Variants in NAALADL2 observed in about 807,000 individuals in gnomAD.
The protein encoded by NAALADL2 is inactive N-acetylated-alpha-linked acidic dipeptidase-like protein 2.
NAALADL2 carries 76 observed loss-of-function variants against 87.2 expected under a neutral mutation model. The observed-to-expected ratio is 0.87, with a 90% CI of 0.72 to 1.05. The LOEUF is 1.05. NAALADL2 is among the 50% of genes least tolerant of loss of function. NAALADL2 has a pLI of 0.00. For synonymous variants in NAALADL2, 354 were observed against 331.0 expected, an observed-to-expected ratio of 1.07 and a Z score of -0.75; for missense variants, 1,089 against 945.8, an observed-to-expected ratio of 1.15 and a Z score of -1.99.
chr3:175,045,024 T>C (rs533111537), intron 1 of NAALADL2, among the ~76,000 whole-genome samples: 1 of 152,116 alleles, frequency 6.6e-6, no homozygotes, highest in Non-Finnish European at 1.5e-5. Flanking sequence ...TCAGTTTATA[T>C]TTTATTTCCC....
intron 1 of NAALADL2, among the ~76,000 whole-genome samples, chr3:174,860,913 C>A (rs1726408621): frequency 6.6e-6 from 1 of 151,920 alleles, no homozygotes; most frequent in Admixed American, 6.6e-5. Context: ...TTTCCCCTAT[C>A]CATATATATG....
intron 2 of NAALADL2, among the ~76,000 whole-genome samples, chr3:175,178,233 T>C (rs1580806911): frequency 6.6e-6 from 1 of 152,178 alleles, no homozygotes; most frequent in East Asian, 1.9e-4. Flanking sequence ...TGGTGTTAGT[T>C]ATATAATTAT....
intron 11 of NAALADL2, among the ~76,000 whole-genome samples, chr3:175,636,404 A>G (rs1728542544): frequency 6.6e-6 from 1 of 152,034 alleles, no homozygotes; most frequent in Non-Finnish European, 1.5e-5. Flanking sequence ...ACCCTTAGAA[A>G]CTTCAAGGAA....
intron 1 of NAALADL2, among the ~76,000 whole-genome samples, chr3:174,966,598 T>C (rs969101857): frequency 3.3e-5 from 5 of 152,280 alleles, no homozygotes; most frequent in Non-Finnish European, 7.4e-5. Flanking sequence ...TTTTCACTTA[T>C]GTGATTGTTA....
At chr3:175,583,619 A>T (rs1317668145) in intron 10 of NAALADL2, among the ~76,000 whole-genome samples, 3 of 152,224 alleles carry the variant, frequency 2.0e-5, no homozygotes. Flanking sequence ...TTTAAACAAG[A>T]GGCAGTAATG....
rs1303778794 is a variant in NAALADL2 at position 175,013,299 on chromosome 3, A to ATTTTT, written c.44-83490_44-83489insTTTTT. Among the ~76,000 whole-genome samples the ATTTTT allele has an allele frequency of 1.0e-3, 76 of 75,144 alleles. 8 individuals carry two copies. Among genetic ancestry groups the ATTTTT allele is most frequent in the African/African-American group, 2.8e-3 (45 of 16,058 alleles). The allele number at this position is 75,144 out of a possible 152,430, so 49.3% of individuals were successfully genotyped here. A position where few individuals can be genotyped will look rare whatever the true frequency, so the allele number is the denominator to read the frequency against. ...TATACATATATATATATATATATAT[A>ATTTTT]TATTTTTTTTTTTTTTTGAGACAGG... On this transcript the variant is annotated intron_variant, in intron 1 of 13. Coordinates refer to ENST00000454872, the MANE Select transcript of NAALADL2 (RefSeq NM_207015.3).
intron 1 of NAALADL2, among the ~76,000 whole-genome samples, chr3:175,001,261 A>ATCTGTATT (rs1748187561): frequency 6.6e-6 from 1 of 152,196 alleles, no homozygotes; most frequent in African/African-American, 2.4e-5. Context: ...GAGCCTGGGA[A>ATCTGTATT]TCTGTATTTC....
chr3:174,564,397 G>T (rs184143666), intron 2 of NAALADL2, among the ~76,000 whole-genome samples: 4 of 152,104 alleles, frequency 2.6e-5, no homozygotes, highest in Non-Finnish European at 5.9e-5. Flanking sequence ...AGGGTAACAA[G>T]GTAGGGATGG....
intron 5 of NAALADL2, among the ~76,000 whole-genome samples, chr3:175,329,381 A>G (rs1761126976): frequency 6.6e-6 from 1 of 152,180 alleles, no homozygotes. Context: ...TGTCTGTTGA[A>G]CATCACTCCT....
intron 11 of NAALADL2, among the ~76,000 whole-genome samples, chr3:175,643,299 A>G (rs1005126002): frequency 2.0e-5 from 3 of 152,220 alleles, no homozygotes; most frequent in African/African-American, 7.2e-5. Flanking sequence ...TATTGTTTCC[A>G]ACAACGATTA....
upstream of NAALADL2, among the ~76,000 whole-genome samples, chr3:174,855,980 G>GTATATA (rs57039020): frequency 3.3e-4 from 47 of 142,956 alleles, no homozygotes; most frequent in African/African-American, 1.2e-3. Context: ...GTGTGTGTGT[G>GTATATA]TATATATATA....
At chr3:175,474,960 G>GT (rs980001634) in intron 9 of NAALADL2, among the ~76,000 whole-genome samples, 4 of 151,292 alleles carry the variant, frequency 2.6e-5, no homozygotes, top group African/African-American at 9.7e-5. Context: ...CTTTAACCCA[G>GT]TATTCATATT....
chr3:175,695,759 A>G (rs966239895), intron 11 of NAALADL2, among the ~76,000 whole-genome samples: 1 of 152,184 alleles, frequency 6.6e-6, no homozygotes, highest in Non-Finnish European at 1.5e-5. Context: ...TTTGGAGAAT[A>G]TCCTCTGAGG....
chr3:174,758,860 A>G (rs481004), intron 3 of NAALADL2, among the ~76,000 whole-genome samples: 72,940 of 152,062 alleles, frequency 0.48, 19,891 homozygotes, highest in Non-Finnish European at 0.62. Flanking sequence ...TCCCTAGTTT[A>G]AAAAACAAAT....
At chr3:175,635,856 C>T (rs1338917779) in intron 11 of NAALADL2, among the ~76,000 whole-genome samples, 13 of 152,020 alleles carry the variant, frequency 8.6e-5, no homozygotes, top group South Asian at 8.3e-4. Context: ...AACTCTAGGT[C>T]GACAGATCAA....
At chr3:174,608,116 A>G (rs1719331931) in intron 2 of NAALADL2, among the ~76,000 whole-genome samples, 3 of 151,984 alleles carry the variant, frequency 2.0e-5, no homozygotes, top group Admixed American at 2.0e-4. Flanking sequence ...CTTTGAAACC[A>G]ACGAGAACAA....
chr3:175,416,636 A>G (rs1183848721), intron 5 of NAALADL2, among the ~76,000 whole-genome samples: 2 of 152,184 alleles, frequency 1.3e-5, no homozygotes, highest in Non-Finnish European at 2.9e-5. Context: ...ATGCTGTAAA[A>G]GTAGGCTTCA....
intron 9 of NAALADL2, among the ~76,000 whole-genome samples, chr3:175,520,345 G>A (rs1323623402): frequency 6.9e-6 from 1 of 144,328 alleles, no homozygotes; most frequent in Non-Finnish European, 1.5e-5. Context: ...AGGCCAGACT[G>A]CGGACTGCAG....
chr3:175,762,888 T>G (rs1170414650), intron 13 of NAALADL2, among the ~76,000 whole-genome samples: 1 of 151,930 alleles, frequency 6.6e-6, no homozygotes, highest in Admixed American at 6.6e-5. Flanking sequence ...ACCGAGACCA[T>G]CCTGGCTAAC....
Sources: allele counts gnomAD v4.1 joint callset (sites outside exome capture counted in the v4.1 genomes callset), GRCh38; gene constraint gnomAD v4.1.1; transcripts MANE v1.5; gene names NCBI Gene and HGNC (gene_info 2026-07-23, HGNC 2026-07-21).